The following TMEM204 variants were observed in gnomAD, a reference collection of about 807,000 sequenced individuals.
TMEM204 encodes claudin-like protein 24.
TMEM204 carries 15 observed loss-of-function variants against 19.4 expected under a neutral mutation model. The observed-to-expected ratio is 0.77, with a 90% CI of 0.52 to 1.19. The LOEUF (loss-of-function observed/expected upper bound fraction) is 1.19, where lower values mean the gene tolerates loss of function less well. Among genes scored for constraint, TMEM204 ranks in the 50% most tolerant of loss-of-function variants. The probability of loss-of-function intolerance (pLI) is 0.00; values close to 1 mark genes in which losing one functional copy is unlikely to be tolerated. For missense variants in TMEM204, 287 were observed against 321.2 expected, an observed-to-expected ratio of 0.89 and a Z score of 0.81; for synonymous variants, 161 against 146.0, an observed-to-expected ratio of 1.10 and a Z score of -0.74.
chr16:1,547,210 C>T (rs1345671157), intron 2 of TMEM204, among the ~76,000 whole-genome samples: 1 of 152,212 alleles, frequency 6.6e-6, no homozygotes, highest in Non-Finnish European at 1.5e-5. Context: ...CCAAAATTCC[C>T]TGGACATGAC....
intron 2 of TMEM204, among the ~76,000 whole-genome samples, chr16:1,544,859 A>G (rs558422058): frequency 2.6e-5 from 4 of 151,914 alleles, no homozygotes; most frequent in African/African-American, 9.7e-5. Context: ...CGTGTTAGCC[A>G]GGATGGTCTC....
intron 1 of TMEM204, among the ~76,000 whole-genome samples, chr16:1,535,929 G>A (rs1159885766): frequency 6.6e-6 from 1 of 152,252 alleles, no homozygotes; most frequent in East Asian, 1.9e-4. Context: ...CGTGACTCCG[G>A]CCAGGCGCCC....
Position 1,540,113 on chromosome 16 carries a change from G to A in TMEM204, c.281-1808G>A, listed in dbSNP as rs1247840909. ...GAGCAGTGTGCCTCCAGGGATGCTG[G>A]GACGCCGAAAGCCTAGACTGAGACG... is the stretch of plus-strand genomic sequence containing the variant. On this transcript the variant is annotated intron_variant, in intron 1 of 2. Transcript: ENST00000566264. Among the ~76,000 whole-genome samples, 3 of 152,174 alleles carry A rather than the reference G, an allele frequency of 2.0e-5. No homozygotes were observed. The East Asian group carries it at 5.8e-4, about 29-fold the overall frequency.
rs577423743 is a variant in TMEM204 at position 1,551,216 on chromosome 16, G to A, written c.437-3566G>A. ...TGGTGGGGCAAGTTCTGGCCCCGGG[G>A]AGCCTGCCCTGTGGCGGGGGAGAGC... On this transcript the variant is annotated intron_variant, in intron 2 of 2. Transcript: ENST00000566264. This position sits in a 1 kb window ranked among gnomAD's most constrained non-coding sequence, Gnocchi z 4.0. 6.6e-6 allele frequency among the ~76,000 whole-genome samples: 1 copy of A among 152,268 alleles called. No homozygotes were observed. The highest frequency in any genetic ancestry group is 2.4e-5 in the African/African-American group (1 of 41,468).
chr16:1,554,336 G>A (rs1276444197), intron 2 of TMEM204, among the ~76,000 whole-genome samples: 2 of 152,226 alleles, frequency 1.3e-5, no homozygotes, highest in African/African-American at 4.8e-5. Context: ...AATGAATTAA[G>A]CATTTACAAA....
At chr16:1,543,039 T>C (rs994108095) in intron 2 of TMEM204, among the ~76,000 whole-genome samples, 1 of 151,436 alleles carries the variant, frequency 6.6e-6, no homozygotes, top group Admixed American at 6.6e-5. Context: ...TGTGGCTGAC[T>C]GAGAGGTTTG....
In TMEM204 at chr16:1,534,125, C is replaced by A. The variant is rs1398889868; in HGVS notation, c.-151C>A. The A allele has an allele frequency of 2.1e-6, 2 of 971,670 alleles. No homozygotes were observed. Among genetic ancestry groups the A allele is most frequent in the Non-Finnish European group, 3.0e-6 (2 of 677,830 alleles). 60.2% of individuals were successfully genotyped at this position (971,670 alleles called of 1,614,324 possible). On this transcript the variant is annotated 5_prime_UTR_variant, in exon 1 of 3. In the 5' UTR this introduces an upstream ATG that the reference lacks. Transcript: ENST00000566264. ...AAGGCCGGGCCGAGAGGCGGCACAC[C>A]TGGACCATCCCATGGGCCTCCGCCC... is the stretch of plus-strand genomic sequence containing the variant.
chr16:1,544,509 TAGTAGA>T (rs1425065596), intron 2 of TMEM204, among the ~76,000 whole-genome samples: 1 of 151,984 alleles, frequency 6.6e-6, no homozygotes, highest in Non-Finnish European at 1.5e-5. Context: ...TTTGTGTTTT[TAGTAGA>T]GACGGGGTTT....
chr16:1,540,951 G>A, intron 1 of TMEM204: 1 of 985,374 alleles, frequency 1.0e-6, no homozygotes, highest in Non-Finnish European at 1.2e-6. Flanking sequence ...AGCGTGCAGG[G>A]GCCTGGGAAC....
At chr16:1,531,300 G>A (rs1214605546), upstream of TMEM204, 1 of 152,284 alleles carries the variant, frequency 6.6e-6, no homozygotes, top group Non-Finnish European at 1.5e-5. The surrounding 1 kb of genome is among the most constrained non-coding windows in gnomAD (Gnocchi z 4.7). Context: ...ATGGGCGGCA[G>A]GGGACGCAGC....
chr16:1,544,806 G>A (rs1039253355), intron 2 of TMEM204, among the ~76,000 whole-genome samples: 5 of 149,912 alleles, frequency 3.3e-5, no homozygotes, highest in African/African-American at 7.5e-5. Flanking sequence ...CCGCCACCAC[G>A]CCTGGCTAAT....
At chr16:1,548,226 C>G (rs1002998920) in intron 2 of TMEM204, among the ~76,000 whole-genome samples, 3 of 152,154 alleles carry the variant, frequency 2.0e-5, no homozygotes, top group African/African-American at 7.2e-5. Context: ...CATAGATTCT[C>G]TTTAGAGCCA....
At chr16:1,552,048 AC>A (rs1440949085) in intron 2 of TMEM204, among the ~76,000 whole-genome samples, 1 of 152,032 alleles carries the variant, frequency 6.6e-6, no homozygotes, top group Non-Finnish European at 1.5e-5. Context: ...AGGGAGGTTG[AC>A]CCTGGAAGCC....
chr16:1,544,474 C>A (rs1311237802), intron 2 of TMEM204, among the ~76,000 whole-genome samples: 1 of 151,108 alleles, frequency 6.6e-6, no homozygotes, highest in Non-Finnish European at 1.5e-5. Flanking sequence ...CGTGAGCCAC[C>A]GCGCCTGGCC....
Position 1,551,077 on chromosome 16 carries a change from C to T in TMEM204, c.437-3705C>T, listed in dbSNP as rs1596348322. On this transcript the variant is annotated intron_variant, in intron 2 of 2. Coordinates refer to ENST00000566264, the MANE Select transcript of TMEM204 (RefSeq NM_024600.6). This position sits in a 1 kb window ranked among gnomAD's most constrained non-coding sequence, Gnocchi z 4.0. Reference sequence around the variant, plus strand: ...AACTGCCAAGGCTGCTGTTCCTCCTCGCCTTTCCCGCAGCTCCACACTGCA... The same window carrying T: ...AACTGCCAAGGCTGCTGTTCCTCCTTGCCTTTCCCGCAGCTCCACACTGCA... Among the ~76,000 whole-genome samples the T allele has an allele frequency of 6.6e-6, 1 of 152,354 alleles. No individual in the cohort carries two copies. Among genetic ancestry groups the T allele is most frequent in the East Asian group, 1.9e-4 (1 of 5,184 alleles).
chr16:1,534,435 A>G lies in TMEM204; in HGVS notation c.160A>G (p.Arg54Gly). 1 of 1,612,022 alleles carries G rather than the reference A, an allele frequency of 6.2e-7. No individual in the cohort carries two copies. Among genetic ancestry groups the G allele is most frequent in the Non-Finnish European group, 8.5e-7 (1 of 1,179,696 alleles). The change falls in exon 1 of 3, where the codon AGG becomes GGG. Residue 54 changes from arginine to glycine, a missense_variant. By Grantham distance (125) the Arg-to-Gly change is moderately radical (BLOSUM62 -2). Coordinates refer to ENST00000566264, the MANE Select transcript of TMEM204 (RefSeq NM_024600.6). The part of the protein sequence containing the change: ...GLWRSCWLVD[R>G]TRGGPSPGAR... ...GTGGAGGTCCTGCTGGCTGGTGGAC[A>G]GGACCCGGGGAGGGCCGAGCCCTGG...
At chr16:1,541,452 G>C in intron 1 of TMEM204, 1 of 985,446 alleles carries the variant, frequency 1.0e-6, no homozygotes, top group Non-Finnish European at 1.2e-6. Context: ...TGAGCACGCA[G>C]GACAGCACGC....
At chr16:1,552,602 G>C (rs1217291667) in intron 2 of TMEM204, among the ~76,000 whole-genome samples, 1 of 150,904 alleles carries the variant, frequency 6.6e-6, no homozygotes, top group East Asian at 2.0e-4. Context: ...CGCACTGGTA[G>C]AAATGCCAGA....
At chr16:1,547,406 A>AG (rs1485618779) in intron 2 of TMEM204, among the ~76,000 whole-genome samples, 1 of 152,222 alleles carries the variant, frequency 6.6e-6, no homozygotes, top group Non-Finnish European at 1.5e-5. Flanking sequence ...AATGGCCAGC[A>AG]GGGTTGATAC....
Sources: allele counts gnomAD v4.1 joint callset (sites outside exome capture counted in the v4.1 genomes callset), GRCh38; gene constraint gnomAD v4.1.1; non-coding constraint Gnocchi (gnomAD v3.1); transcripts MANE v1.5; gene names NCBI Gene and HGNC (gene_info 2026-07-23, HGNC 2026-07-21).